The following RBFOX1 variants were observed in gnomAD, a reference collection of about 807,000 sequenced individuals.
RBFOX1 encodes RNA binding protein fox-1 homolog 1.
Under a neutral mutation model 57.7 loss-of-function variants are expected in RBFOX1, and 8 were observed. That is an observed-to-expected ratio of 0.14 (90% CI 0.08 to 0.25). The LOEUF is 0.25. Ranked by LOEUF, RBFOX1 falls within the 10% of genes least tolerant of loss-of-function variation. The pLI, the probability that RBFOX1 is intolerant of heterozygous loss-of-function variation, is 1.00. For synonymous variants in RBFOX1, 326 were observed against 222.4 expected (o/e 1.47, Z -4.15); for missense variants, 611 against 548.5 (o/e 1.11, Z -1.14).
rs143891615 is a variant in RBFOX1 at position 7,048,940 on chromosome 16, A to G, written c.-15-3117A>G. Among the ~76,000 whole-genome samples the G allele has an allele frequency of 5.5e-3, 832 of 152,254 alleles. 8 individuals are homozygous for G. The highest frequency in any genetic ancestry group is 0.019 in the African/African-American group (780 of 41,548). On this transcript the variant is annotated intron_variant, in intron 3 of 15. Coordinates refer to ENST00000550418, the MANE Select transcript of RBFOX1 (RefSeq NM_018723.4). The stretch of plus-strand genomic sequence containing the variant: ...CTTTTCTTCTGTGGATTTGTTTCCA[A>G]TATCAGTTCTGTTGGGTGTCTCCCA...
chr16:6,366,705 A>G (rs1216876662), intron 2 of RBFOX1, among the ~76,000 whole-genome samples: 1 of 152,224 alleles, frequency 6.6e-6, no homozygotes, highest in East Asian at 1.9e-4. Context: ...AGATGCTAGT[A>G]TTATCCCAAG....
intron 3 of RBFOX1, among the ~76,000 whole-genome samples, chr16:6,915,196 G>A (rs535259481): frequency 1.2e-4 from 19 of 152,226 alleles, no homozygotes; most frequent in African/African-American, 3.6e-4. Context: ...CCAGGCTCCC[G>A]GAGACCCACT....
chr16:6,482,561 G>A (rs2095388218), intron 2 of RBFOX1, among the ~76,000 whole-genome samples: 1 of 152,178 alleles, frequency 6.6e-6, no homozygotes, highest in Non-Finnish European at 1.5e-5. Context: ...TATTTAAAAG[G>A]TGATCTCTAA....
chr16:7,001,959 G>A (rs1397583270), intron 3 of RBFOX1, among the ~76,000 whole-genome samples: 1 of 152,056 alleles, frequency 6.6e-6, no homozygotes, highest in Non-Finnish European at 1.5e-5. Flanking sequence ...TTCTTCTTGT[G>A]CACACGATTG....
At chr16:6,973,046 A>T (rs988039859) in intron 3 of RBFOX1, among the ~76,000 whole-genome samples, 1 of 152,102 alleles carries the variant, frequency 6.6e-6, no homozygotes, top group Non-Finnish European at 1.5e-5. Context: ...AAGTAGAATC[A>T]GTTGAACCTG....
chr16:5,292,733 C>T (rs1299471383), intron 1 of RBFOX1, among the ~76,000 whole-genome samples: 2 of 152,100 alleles, frequency 1.3e-5, no homozygotes, highest in African/African-American at 4.8e-5. Context: ...AAGCGATTCT[C>T]CTGCCTCAGC....
chr16:7,001,398 TTGTATATGTATATGTATA>T lies in RBFOX1; in HGVS notation c.-15-50616_-15-50599del, dbSNP rs55910456. 5.8e-3 allele frequency among the ~76,000 whole-genome samples: 589 copies of T among 100,844 alleles called. 2 individuals are homozygous for T. Among genetic ancestry groups the T allele is most frequent in the East Asian group, 0.031 (60 of 1,954 alleles). 66.2% of individuals were successfully genotyped at this position (100,844 alleles called of 152,430 possible). A position where few individuals can be genotyped will look rare whatever the true frequency, so the allele number is the denominator to read the frequency against. On this transcript the variant is annotated intron_variant, in intron 3 of 15. Transcript: ENST00000550418. The stretch of plus-strand genomic sequence containing the variant: ...TGTGTATGTGTATGTGTATGTGTAT[TTGTATATGTATATGTATA>T]TGTATATGTATATGTATATGTATAT...
At chr16:5,485,508 G>C (rs556725485) in intron 2 of RBFOX1, among the ~76,000 whole-genome samples, 31 of 152,148 alleles carry the variant, frequency 2.0e-4, no homozygotes, top group African/African-American at 7.2e-4. Context: ...AGTGAAAATG[G>C]CTAACAAATA....
At chr16:6,785,470 A>G (rs573610163) in intron 3 of RBFOX1, among the ~76,000 whole-genome samples, 14 of 152,306 alleles carry the variant, frequency 9.2e-5, no homozygotes, top group African/African-American at 2.9e-4. Context: ...ACAATTGGCA[A>G]TAAAAGCCAT....
chr16:7,449,118 G>A (rs1004149148), intron 4 of RBFOX1, among the ~76,000 whole-genome samples: 7 of 151,788 alleles, frequency 4.6e-5, no homozygotes, highest in Non-Finnish European at 8.8e-5. Context: ...TAGTAGAGAC[G>A]GGGTTTCTCC....
At chr16:5,451,720 A>C (rs942542060) in intron 1 of RBFOX1, among the ~76,000 whole-genome samples, 2 of 152,226 alleles carry the variant, frequency 1.3e-5, no homozygotes, top group Non-Finnish European at 2.9e-5. Context: ...AGTGTCTCTT[A>C]TCCTGTCCGG....
At chr16:5,536,228 CTTTTTTTTTTTT>C (rs57061495) in intron 2 of RBFOX1, among the ~76,000 whole-genome samples, 1 of 103,538 alleles carries the variant, frequency 9.7e-6, no homozygotes, top group Non-Finnish European at 1.9e-5. Context: ...AATCTCCTGT[CTTTTTTTTTTTT>C]TTTTTTTTTT....
In RBFOX1 at chr16:7,272,193, A is replaced by AT. The variant is rs1018178503; in HGVS notation, c.27+220103dup. Among the ~76,000 whole-genome samples the AT allele has an allele frequency of 5.3e-5, 8 of 151,746 alleles. No homozygotes were observed. In the East Asian group the frequency reaches 7.7e-4, roughly 15 times the overall value. On this transcript the variant is annotated intron_variant, in intron 4 of 15. Transcript: ENST00000550418. The stretch of plus-strand genomic sequence containing the variant: ...CTTTGCTTGACCATTTCCCTATTTT[A>AT]TTTTTTTTGAGAAAGAGTCTCGCTC...
chr16:6,625,952 T>C (rs2098298783), intron 2 of RBFOX1, among the ~76,000 whole-genome samples: 1 of 152,178 alleles, frequency 6.6e-6, no homozygotes, highest in African/African-American at 2.4e-5. Flanking sequence ...TGAGAGCTCA[T>C]TGAGGTACAT....
Position 6,747,436 on chromosome 16 carries a change from CAGTCAGTT to C in RBFOX1, c.-16+92791_-16+92798del, listed in dbSNP as rs1344579892. Among the ~76,000 whole-genome samples the C allele has an allele frequency of 4.5e-4, 57 of 125,868 alleles. 1 individual carries two copies. The East Asian group carries it at 6.2e-3, about 14-fold the overall frequency. 82.6% of individuals were successfully genotyped at this position (125,868 alleles called of 152,430 possible). On this transcript the variant is annotated intron_variant, in intron 3 of 15. Transcript: ENST00000550418. The stretch of plus-strand genomic sequence containing the variant: ...AGAAAAAAAAAATCTATCAGTCAGT[CAGTCAGTT>C]AGTCTGTCTGTCTGTCTGTCTGTCT...
intron 1 of RBFOX1, among the ~76,000 whole-genome samples, chr16:6,193,392 CTATATATATATATATATATATA>C (rs55707901): frequency 1.2e-4 from 5 of 43,218 alleles, no homozygotes; most frequent in African/African-American, 3.2e-4. Flanking sequence ...TATATATATA[CTATATATATATATATATATATA>C]TATATATATA....
intron 2 of RBFOX1, among the ~76,000 whole-genome samples, chr16:6,446,608 C>G (rs1040429186): frequency 6.6e-6 from 1 of 152,024 alleles, no homozygotes; most frequent in African/African-American, 2.4e-5. Flanking sequence ...ATGACTTAAA[C>G]AATTACTTAC....
rs116314091 is a variant in RBFOX1 at position 5,821,768 on chromosome 16, A to C, written c.319-45535A>C. On this transcript the variant is annotated intron_variant, in intron 3 of 19. Coordinates refer to the RBFOX1 transcript ENST00000641259. ...CCAAGGTCAAGGCACCAGCAGGTTC[A>C]GTGTTTAGTGAGGGCTGCCCTCTTA... Among the ~76,000 whole-genome samples the C allele has an allele frequency of 3.0e-3, 458 of 152,294 alleles. 3 individuals are homozygous for C. Among genetic ancestry groups the C allele is most frequent in the African/African-American group, 0.01 (430 of 41,562 alleles).
At chr16:6,725,114 G>A (rs1244239164) in intron 3 of RBFOX1, among the ~76,000 whole-genome samples, 2 of 135,716 alleles carry the variant, frequency 1.5e-5, no homozygotes, top group Middle Eastern at 4.6e-3. Flanking sequence ...GCAGTGGTGC[G>A]ATCTCGGCTC....
Sources: gnomAD v4.1 joint callset for allele counts (sites outside exome capture counted in the v4.1 genomes callset) on GRCh38, gnomAD v4.1.1 for gene constraint, MANE v1.5 for transcripts, NCBI Gene and HGNC (gene_info 2026-07-23, HGNC 2026-07-21) for gene names.